The following PKP4 variants were observed in gnomAD, a reference collection of about 807,000 sequenced individuals.
PKP4 encodes the protein plakophilin 4, also known as plakophilin-4.
PKP4 carries 90 observed loss-of-function variants against 145.1 expected under a neutral mutation model. The ratio of observed to expected loss-of-function variants is 0.62; its 90% CI spans 0.52 to 0.74. The LOEUF is 0.74. Ranked by LOEUF, PKP4 falls within the 30% of genes least tolerant of loss-of-function variation. PKP4 has a pLI of 0.00. For synonymous variants in PKP4, 563 were observed against 577.2 expected, an observed-to-expected ratio of 0.98 and a Z score of 0.35; for missense variants, 1,340 against 1,482.7, an observed-to-expected ratio of 0.90 and a Z score of 1.58.
chr2:158,642,336 G>T, intron 10 of PKP4, 150 bp from the exon 11 acceptor site: 1 of 588,140 alleles, frequency 1.7e-6, no homozygotes, highest in Admixed American at 3.2e-5. Context: ...TCCTTAGAAT[G>T]TATAAAAGTT....
chr2:158,672,103 G>A (rs1230667583), intron 17 of PKP4, among the ~76,000 whole-genome samples: 5 of 152,196 alleles, frequency 3.3e-5, no homozygotes, highest in Non-Finnish European at 7.3e-5. Context: ...GCCAAGGCAG[G>A]GCACCGCATC....
chr2:158,550,018 G>T (rs2045454472), intron 2 of PKP4, among the ~76,000 whole-genome samples: 1 of 117,482 alleles, frequency 8.5e-6, no homozygotes, highest in Non-Finnish European at 2.2e-5. Context: ...TCCAACATAG[G>T]AGGGTCAGGC....
chr2:158,658,101 T>G, intron 11 of PKP4, 30 bp from the exon 12 acceptor site: 1 of 1,247,360 alleles, frequency 8.0e-7, no homozygotes, highest in Non-Finnish European at 1.2e-6. Context: ...GGATCTCTAT[T>G]TGTTTGATTT....
intron 3 of PKP4, among the ~76,000 whole-genome samples, chr2:158,594,814 C>A (rs1262118162): frequency 6.6e-6 from 1 of 152,082 alleles, no homozygotes; most frequent in Non-Finnish European, 1.5e-5. Flanking sequence ...TCATTACTGC[C>A]TGGATTTGTG....
chr2:158,658,731 A>G, intron 12 of PKP4: 1 of 160,256 alleles, frequency 6.2e-6, no homozygotes, highest in East Asian at 1.9e-4. Context: ...CAAGTTGTAT[A>G]AATAAGTGAA....
chr2:158,563,714 C>CT (rs70994213), intron 2 of PKP4, among the ~76,000 whole-genome samples: 3 of 151,452 alleles, frequency 2.0e-5, no homozygotes, highest in South Asian at 2.1e-4. Flanking sequence ...TAATATTTAC[C>CT]TTTTTTTTTG....
intron 1 of PKP4, among the ~76,000 whole-genome samples, chr2:158,530,770 T>C (rs966348888): frequency 2.6e-5 from 4 of 152,052 alleles, no homozygotes; most frequent in African/African-American, 9.7e-5. Flanking sequence ...ACAGGTACCA[T>C]TGGCTTTGCT....
intron 1 of PKP4, among the ~76,000 whole-genome samples, chr2:158,507,779 G>T (rs1030318070): frequency 5.3e-5 from 8 of 152,020 alleles, no homozygotes; most frequent in Non-Finnish European, 1.0e-4. Flanking sequence ...AAGGTAGTGT[G>T]GGGGGGTCTC....
intron 4 of PKP4, among the ~76,000 whole-genome samples, chr2:158,605,183 T>C (rs1010297715): frequency 6.6e-6 from 1 of 152,194 alleles, no homozygotes; most frequent in Admixed American, 6.5e-5. Context: ...ACTGCATACA[T>C]GAACGAATAG....
Position 158,676,880 on chromosome 2 carries a change from T to C in PKP4, c.3256+13T>C. On this transcript the variant is annotated intron_variant, in intron 20 of 21. Coordinates refer to ENST00000389759, the MANE Select transcript of PKP4 (RefSeq NM_003628.6). ...GGCCTGTACCCTGGTAAGACGCCAGTTGGGTGTGTGATACAGTCTCTTGAA... is the reference window on the plus strand; with the variant it reads ...GGCCTGTACCCTGGTAAGACGCCAGCTGGGTGTGTGATACAGTCTCTTGAA... The C allele has an allele frequency of 6.2e-7, 1 of 1,613,948 alleles. No individual in the cohort carries two copies.
In PKP4 at chr2:158,680,546, T is replaced by C; in HGVS notation, c.3448T>C (p.Phe1150Leu). Residue 1150 changes from phenylalanine (F) to leucine (L), a missense_variant, in exon 22 of 22, where the codon TTT becomes CTT. Phe to Leu is a conservative substitution (Grantham distance 22). Transcript: ENST00000389759. ...TCCTTATTTTGATGACCGAGTTCACTTTCCAGCTTCTACTGATTACTCAAC... is the reference window on the plus strand; with the variant it reads ...TCCTTATTTTGATGACCGAGTTCACCTTCCAGCTTCTACTGATTACTCAAC... ...EDPYFDDRVH[F>L]PASTDYSTQY... is the part of the protein sequence containing the mutation. 1 of 1,614,182 alleles carries C rather than the reference T, an allele frequency of 6.2e-7. No homozygotes were observed. The highest frequency in any genetic ancestry group is 1.7e-5 in the Admixed American group (1 of 60,024).
At chr2:158,614,774 A>G (rs1175995562) in intron 4 of PKP4, among the ~76,000 whole-genome samples, 4 of 152,168 alleles carry the variant, frequency 2.6e-5, no homozygotes, top group Non-Finnish European at 5.9e-5. Flanking sequence ...CAAATATTTA[A>G]ACTTTCTCAT....
At chr2:158,505,446 G>C (rs779808111) in intron 1 of PKP4, among the ~76,000 whole-genome samples, 10 of 152,150 alleles carry the variant, frequency 6.6e-5, no homozygotes, top group Non-Finnish European at 1.5e-4. Context: ...TTGAACCCTA[G>C]TCATTTGTCC....
At chr2:158,529,206 A>G (rs536368592) in intron 1 of PKP4, among the ~76,000 whole-genome samples, 3 of 152,188 alleles carry the variant, frequency 2.0e-5, no homozygotes, top group Non-Finnish European at 4.4e-5. Context: ...TTTGATTCCA[A>G]ATATAAAGAC....
rs1262685867 is a variant in PKP4 at position 158,624,894 on chromosome 2, G to A, written c.620G>A (p.Arg207Gln). ...QTLVQPSVAN[R>Q]AMRRVSSVPS... Reference sequence around the variant, plus strand: ...TTTCATCAGCCATCAGTAGCCAATCGGGCCATGAGAAGAGTTAGTTCAGTT... The same window carrying A: ...TTTCATCAGCCATCAGTAGCCAATCAGGCCATGAGAAGAGTTAGTTCAGTT... The change falls in exon 7 of 22, where the codon CGG becomes CAG. Residue 207 changes from arginine (R) to glutamine (Q), a missense_variant. Transcript: ENST00000389759. 8.8e-6 allele frequency: 14 copies of A among 1,585,556 alleles called. No individual in the cohort carries two copies. Among genetic ancestry groups the A allele is most frequent in the South Asian group, 5.7e-5 (5 of 87,354 alleles).
intron 1 of PKP4, among the ~76,000 whole-genome samples, chr2:158,486,184 A>C (rs1006710657): frequency 1.3e-5 from 2 of 152,198 alleles, no homozygotes; most frequent in African/African-American, 4.8e-5. Flanking sequence ...ATAGGCTATA[A>C]TTAAACTAGT....
chr2:158,525,968 G>A (rs981357052), intron 1 of PKP4, among the ~76,000 whole-genome samples: 5 of 151,082 alleles, frequency 3.3e-5, no homozygotes, highest in East Asian at 2.0e-4. Flanking sequence ...CCAATAACAG[G>A]AGCTGAAATT....
intron 10 of PKP4, 103 bp downstream of exon 10, chr2:158,640,862 CT>C (rs2054222010): frequency 8.0e-7 from 1 of 1,246,384 alleles, no homozygotes. Context: ...ATTCAAGAGT[CT>C]TTTTAAAGGG....
intron 2 of PKP4, among the ~76,000 whole-genome samples, chr2:158,574,071 A>T (rs2047639722): frequency 6.6e-6 from 1 of 152,198 alleles, no homozygotes; most frequent in Non-Finnish European, 1.5e-5. Context: ...CTATTCTCTT[A>T]ATTCTCTCTC....
Sources: gnomAD v4.1 joint callset for allele counts (sites outside exome capture counted in the v4.1 genomes callset) on GRCh38, gnomAD v4.1.1 for gene constraint, MANE v1.5 for transcripts, NCBI Gene and HGNC (gene_info 2026-07-23, HGNC 2026-07-21) for gene names.